Variants in CNTLN observed in about 807,000 individuals in gnomAD.
CNTLN encodes the protein centlein, centrosomal protein.
In CNTLN, 212 loss-of-function variants were observed where a neutral mutation model predicts 180.0. The ratio of observed to expected loss-of-function variants is 1.18; its 90% CI spans 1.05 to 1.32. The LOEUF (loss-of-function observed/expected upper bound fraction) is 1.32, where lower values mean the gene tolerates loss of function less well. CNTLN is among the 40% of genes most tolerant of loss of function. The pLI is 0.00. For synonymous variants in CNTLN, 722 were observed against 563.1 expected, an observed-to-expected ratio of 1.28 and a Z score of -3.99; for missense variants, 2,095 against 1,610.9, an observed-to-expected ratio of 1.30 and a Z score of -5.14.
chr9:17,139,882 T>A (rs1266416647), intron 1 of CNTLN, among the ~76,000 whole-genome samples: 1 of 152,052 alleles, frequency 6.6e-6, no homozygotes, highest in Non-Finnish European at 1.5e-5. Context: ...GTTTTGCATT[T>A]TTTGTAGAGA....
rs548400851 is a variant in CNTLN, at chr9:17,502,733, C to T, written c.*81C>T. On this transcript the variant is annotated 3_prime_UTR_variant, in exon 26 of 26. Coordinates refer to ENST00000380647, the MANE Select transcript of CNTLN (RefSeq NM_017738.4). ...GAATACATGCATTGCAATCCTGACA[C>T]GGTATCTGCTCCAACTATCAATAGT... 1.7e-4 allele frequency: 83 copies of T among 498,112 alleles called. No homozygotes were observed. The highest frequency in any genetic ancestry group is 9.3e-4 in the African/African-American group (46 of 49,254). The allele number at this position is 498,112 out of a possible 1,614,324, so 30.9% of individuals were successfully genotyped here.
intron 2 of CNTLN, among the ~76,000 whole-genome samples, chr9:17,210,740 T>C (rs1823242866): frequency 6.6e-6 from 1 of 152,190 alleles, no homozygotes; most frequent in Admixed American, 6.5e-5. Context: ...TTTTAATGAT[T>C]GTCATTCTAA....
At chr9:17,403,192 C>A (rs896020743) in intron 15 of CNTLN, among the ~76,000 whole-genome samples, 1 of 151,720 alleles carries the variant, frequency 6.6e-6, no homozygotes, top group African/African-American at 2.4e-5. Flanking sequence ...AAAGCCCATT[C>A]TGTGAACAAA....
chr9:17,291,059 A>G (rs605916), intron 6 of CNTLN, among the ~76,000 whole-genome samples: 68,471 of 152,034 alleles, frequency 0.45, 16,145 homozygotes, highest in South Asian at 0.65. Flanking sequence ...ATTTCATTAT[A>G]TACCCAGGAG....
chr9:17,309,151 C>G lies in CNTLN; in HGVS notation c.1240C>G (p.Gln414Glu). The stretch of plus-strand genomic sequence containing the variant: ...TACTAATCTTCAGGATCAGCTATTA[C>G]AAAAAGAGCAAGAAAATGCTAAGTT... ...SVTNLQDQLL[Q>E]KEQENAKLKE... The change falls in exon 8 of 26, where the codon CAA (glutamine) becomes GAA (glutamate). Residue 414 changes from glutamine to glutamate, a missense_variant. By Grantham distance (29) the Gln-to-Glu change is conservative (BLOSUM62 2). Transcript: ENST00000380647. The G allele has an allele frequency of 1.2e-6, 2 of 1,610,416 alleles. No homozygotes were observed. Among genetic ancestry groups the G allele is most frequent in the Non-Finnish European group, 8.5e-7 (1 of 1,177,892 alleles).
chr9:17,525,702 A>G, the CNTLN span, among the ~76,000 whole-genome samples: 1 of 152,190 alleles, frequency 6.6e-6, no homozygotes, highest in Non-Finnish European at 1.5e-5. Flanking sequence ...TAAATAAAAA[A>G]TATGTTAGCT....
At chr9:17,294,387 G>A (rs1817643490) in intron 6 of CNTLN, among the ~76,000 whole-genome samples, 3 of 150,668 alleles carry the variant, frequency 2.0e-5, no homozygotes, top group Admixed American at 1.3e-4. Context: ...GCTGATTGGT[G>A]CGTTTACAAT....
chr9:17,213,706 T>C (rs1305274475), intron 2 of CNTLN, among the ~76,000 whole-genome samples: 4 of 152,146 alleles, frequency 2.6e-5, no homozygotes, highest in Non-Finnish European at 1.5e-5. Context: ...TCTTTGTAGG[T>C]CTCTAAGGAC....
rs1826123856 is a variant in CNTLN, at chr9:17,251,290, C to G, written c.849+14702C>G. Among the ~76,000 whole-genome samples the G allele has an allele frequency of 2.0e-5, 3 of 151,824 alleles. No individual in the cohort carries two copies. The South Asian group carries it at 6.2e-4, about 31-fold the overall frequency. ...GGTTTTTGGATTTGTAGATTCATAT[C>G]TTTCATCACATTTTGGAAGTTTTGG... On this transcript the variant is annotated intron_variant, in intron 5 of 25. Transcript: ENST00000380647.
intron 2 of CNTLN, among the ~76,000 whole-genome samples, chr9:17,215,559 A>T (rs543335512): frequency 4.1e-4 from 63 of 152,308 alleles, no homozygotes; most frequent in Non-Finnish European, 3.8e-4. Context: ...TACTGGGAGA[A>T]CGACTGCTCT....
chr9:17,522,418 C>T, the CNTLN span, among the ~76,000 whole-genome samples: 1 of 152,310 alleles, frequency 6.6e-6, no homozygotes, highest in Admixed American at 6.5e-5. Context: ...GAAATTAAAC[C>T]TCAGGACTTT....
At chr9:17,220,153 T>C (rs758816986) in intron 2 of CNTLN, among the ~76,000 whole-genome samples, 1 of 152,118 alleles carries the variant, frequency 6.6e-6, no homozygotes, top group Non-Finnish European at 1.5e-5. Context: ...ACCTGGGTGA[T>C]GATGATGCTC....
chr9:17,144,988 C>T lies in CNTLN; in HGVS notation c.449+1612C>T, dbSNP rs916054466. Among the ~76,000 whole-genome samples, 61 of 150,982 alleles carry T rather than the reference C, an allele frequency of 4.0e-4. 1 individual carries two copies. The highest frequency in any genetic ancestry group is 1.3e-3 in the African/African-American group (55 of 41,244). On this transcript the variant is annotated intron_variant, in intron 2 of 25. Transcript: ENST00000380647. Reference sequence around the variant, plus strand: ...TCCCGAGTAGCTGGGACTACAGGCGCCCGCCACCGCGCCCGGCTAATTTTT... The same window carrying T: ...TCCCGAGTAGCTGGGACTACAGGCGTCCGCCACCGCGCCCGGCTAATTTTT...
intron 12 of CNTLN, 85 bp downstream of exon 12, chr9:17,342,529 T>C: frequency 8.3e-7 from 1 of 1,198,704 alleles, no homozygotes; most frequent in Non-Finnish European, 1.1e-6. Context: ...AAAGAAACAC[T>C]TTATAAAATT....
At chr9:17,273,037 T>G (rs1237060713) in intron 5 of CNTLN, among the ~76,000 whole-genome samples, 2 of 152,132 alleles carry the variant, frequency 1.3e-5, no homozygotes, top group African/African-American at 4.8e-5. Flanking sequence ...TAAAACTTGG[T>G]GTTTATGTTT....
the CNTLN span, among the ~76,000 whole-genome samples, chr9:17,513,208 A>G: frequency 6.6e-6 from 1 of 152,170 alleles, no homozygotes; most frequent in Admixed American, 6.5e-5. Context: ...ACTCTTTTAA[A>G]CCATCTGTGA....
chr9:17,299,979 G>T (rs944127878), intron 7 of CNTLN: 1 of 171,084 alleles, frequency 5.8e-6, no homozygotes, highest in African/African-American at 2.4e-5. Context: ...AAATGTTCCA[G>T]GCCTCACTCT....
At chr9:17,377,498 G>A (rs537634937) in intron 13 of CNTLN, among the ~76,000 whole-genome samples, 65 of 152,238 alleles carry the variant, frequency 4.3e-4, no homozygotes, top group African/African-American at 1.2e-3. Context: ...CCAAGATTGC[G>A]TCATTGCACT....
In CNTLN at chr9:17,500,713, C is replaced by T. The variant is rs115904788; in HGVS notation, c.4120-1838C>T. 9.9e-3 allele frequency among the ~76,000 whole-genome samples: 1,506 copies of T among 152,270 alleles called. 29 individuals carry two copies. The highest frequency in any genetic ancestry group is 0.034 in the African/African-American group (1,406 of 41,526). On this transcript the variant is annotated intron_variant, in intron 25 of 25. Coordinates refer to ENST00000380647, the MANE Select transcript of CNTLN (RefSeq NM_017738.4). ...AATTTTAGAAAATGAAACACTTCTG[C>T]CTTGTTTCCACCAGTAAGGGACGGG...
Sources: allele counts gnomAD v4.1 joint callset (sites outside exome capture counted in the v4.1 genomes callset), GRCh38; gene constraint gnomAD v4.1.1; transcripts MANE v1.5; gene names NCBI Gene and HGNC (gene_info 2026-07-23, HGNC 2026-07-21).